The following ARL6IP6 variants were observed in gnomAD, a reference collection of about 807,000 sequenced individuals.
ARL6IP6 encodes ADP-ribosylation factor-like protein 6-interacting protein 6.
ARL6IP6 carries 22 observed loss-of-function variants against 21.5 expected under a neutral mutation model. That is an observed-to-expected ratio of 1.02 (90% CI 0.73 to 1.46). The LOEUF (loss-of-function observed/expected upper bound fraction) is 1.46. Ranked by LOEUF, ARL6IP6 falls within the 40% of genes most tolerant of loss-of-function variation. The pLI is 0.00. For synonymous variants in ARL6IP6, 164 were observed against 125.3 expected (o/e 1.31, Z -2.06); for missense variants, 388 against 299.8 (o/e 1.29, Z -2.17).
intron 3 of ARL6IP6, among the ~76,000 whole-genome samples, chr2:152,739,978 C>T (rs571028254): frequency 6.6e-6 from 1 of 152,180 alleles, no homozygotes; most frequent in African/African-American, 2.4e-5. Context: ...GTAACCACCC[C>T]CATGATTCAA....
chr2:152,742,673 G>A (rs1219102599), intron 3 of ARL6IP6, among the ~76,000 whole-genome samples: 1 of 151,534 alleles, frequency 6.6e-6, no homozygotes, highest in East Asian at 1.9e-4. Flanking sequence ...GTTAGTTATG[G>A]ATACCAGCTG....
At position 152,730,512 on chromosome 2, in the gene ARL6IP6, T is replaced by C. The variant is rs1270572529; in HGVS notation, c.455-4482T>C. Among the ~76,000 whole-genome samples, 6 of 152,172 alleles carry C rather than the reference T, an allele frequency of 3.9e-5. No individual in the cohort carries two copies. The East Asian group carries it at 1.2e-3, about 29-fold the overall frequency. ...ATTTGGCAGTATAGCAACCCCTAAG[T>C]TGTAGTTGTAGACTAAATCTTATAA... On this transcript the variant is annotated intron_variant, in intron 2 of 3. Coordinates refer to ENST00000326446, the MANE Select transcript of ARL6IP6 (RefSeq NM_152522.7).
intron 3 of ARL6IP6, among the ~76,000 whole-genome samples, chr2:152,752,695 T>C (rs937496776): frequency 2.0e-5 from 3 of 152,196 alleles, no homozygotes; most frequent in African/African-American, 7.2e-5. Flanking sequence ...AATTAAAGGC[T>C]GAGGTGAATA....
At chr2:152,757,703 A>T (rs116030993) in intron 3 of ARL6IP6, among the ~76,000 whole-genome samples, 221 of 152,334 alleles carry the variant, frequency 1.5e-3, no homozygotes, top group African/African-American at 5.1e-3. Context: ...TTCTTCAAAG[A>T]TTTAAGTCCT....
At chr2:152,741,012 T>C (rs148207054) in intron 3 of ARL6IP6, among the ~76,000 whole-genome samples, 14 of 152,298 alleles carry the variant, frequency 9.2e-5, no homozygotes, top group African/African-American at 3.4e-4. Flanking sequence ...AGTTGAAATC[T>C]TCAGACTTTT....
At chr2:152,753,377 G>A (rs910515415) in intron 3 of ARL6IP6, among the ~76,000 whole-genome samples, 5 of 151,978 alleles carry the variant, frequency 3.3e-5, no homozygotes, top group African/African-American at 7.3e-5. Context: ...ACATACATAC[G>A]CTCAGAAACA....
chr2:152,731,480 TC>T (rs1425796920), intron 2 of ARL6IP6, among the ~76,000 whole-genome samples: 1 of 152,212 alleles, frequency 6.6e-6, no homozygotes, highest in Non-Finnish European at 1.5e-5. Flanking sequence ...TCTCAACTCT[TC>T]CTGTATTCTT....
At chr2:152,750,746 G>A (rs191017011) in intron 3 of ARL6IP6, among the ~76,000 whole-genome samples, 1 of 152,130 alleles carries the variant, frequency 6.6e-6, no homozygotes, top group Non-Finnish European at 1.5e-5. Flanking sequence ...AATATTGTGT[G>A]CTCTGCTCGT....
intron 3 of ARL6IP6, among the ~76,000 whole-genome samples, chr2:152,751,678 A>G (rs755133282): frequency 6.6e-5 from 10 of 152,236 alleles, no homozygotes; most frequent in Admixed American, 1.3e-4. Context: ...CCCCAGACTC[A>G]TCCATGTTGC....
chr2:152,726,139 G>A (rs1418920408), intron 2 of ARL6IP6, among the ~76,000 whole-genome samples: 1 of 149,298 alleles, frequency 6.7e-6, no homozygotes, highest in South Asian at 2.2e-4. Flanking sequence ...TGTAATAAAA[G>A]TGTTGGGTTT....
chr2:152,727,065 C>T (rs1442692041), intron 2 of ARL6IP6, among the ~76,000 whole-genome samples: 1 of 152,156 alleles, frequency 6.6e-6, no homozygotes, highest in African/African-American at 2.4e-5. Context: ...CAGGCAGGTC[C>T]TTCAGGAGGT....
intron 3 of ARL6IP6, among the ~76,000 whole-genome samples, chr2:152,746,650 G>T (rs1246456161): frequency 1.3e-5 from 2 of 152,044 alleles, no homozygotes; most frequent in Non-Finnish European, 2.9e-5. Flanking sequence ...CTCATAGGCA[G>T]TAAGTGTAAG....
intron 2 of ARL6IP6, among the ~76,000 whole-genome samples, chr2:152,729,616 A>G (rs1443410667): frequency 6.6e-6 from 1 of 152,196 alleles, no homozygotes; most frequent in Non-Finnish European, 1.5e-5. Context: ...GGGTGCTGAT[A>G]GGAAAGGTCT....
chr2:152,719,709 A>G (rs1412089580), intron 1 of ARL6IP6, among the ~76,000 whole-genome samples: 1 of 149,948 alleles, frequency 6.7e-6, no homozygotes, highest in Non-Finnish European at 1.5e-5. Context: ...GTTAAGTTTA[A>G]ATTTCCATTC....
chr2:152,742,552 A>G (rs1700861759), intron 3 of ARL6IP6, among the ~76,000 whole-genome samples: 1 of 149,358 alleles, frequency 6.7e-6, no homozygotes, highest in Non-Finnish European at 1.5e-5. Context: ...CCTCAGTGAC[A>G]GAGCAAGATA....
rs868281091 is a variant in ARL6IP6, at chr2:152,720,362, A to G, written c.401-171A>G. 2.6e-5 allele frequency: 17 copies of G among 654,064 alleles called. No individual in the cohort carries two copies. In the Middle Eastern group the frequency reaches 1.2e-3, roughly 48 times the overall value. 40.5% of individuals were successfully genotyped at this position (654,064 alleles called of 1,614,324 possible). On this transcript the variant is annotated intron_variant, in intron 1 of 3. Coordinates refer to ENST00000326446, the MANE Select transcript of ARL6IP6 (RefSeq NM_152522.7). ...TGTTGGCTCCCTTAGTGGTCAACAC[A>G]TTAATTTGCTTGCTGAAGGTCACAT...
chr2:152,725,699 A>G (rs1700012919), intron 2 of ARL6IP6, among the ~76,000 whole-genome samples: 1 of 152,076 alleles, frequency 6.6e-6, no homozygotes, highest in East Asian at 1.9e-4. Flanking sequence ...TTTGAGATGT[A>G]TCTGAAATCT....
At chr2:152,755,946 G>A (rs548819019) in intron 3 of ARL6IP6, among the ~76,000 whole-genome samples, 239 of 152,100 alleles carry the variant, frequency 1.6e-3, no homozygotes, top group Non-Finnish European at 2.7e-3. Context: ...TTGACTTTTT[G>A]TCTTTTTATT....
chr2:152,746,197 T>A (rs1221025052), intron 3 of ARL6IP6, among the ~76,000 whole-genome samples: 2 of 151,958 alleles, frequency 1.3e-5, no homozygotes, highest in African/African-American at 2.4e-5. Flanking sequence ...TGGCTAATTT[T>A]TGTATTTTTT....
Sources: allele counts gnomAD v4.1 joint callset (sites outside exome capture counted in the v4.1 genomes callset), GRCh38; gene constraint gnomAD v4.1.1; transcripts MANE v1.5; gene names NCBI Gene and HGNC (gene_info 2026-07-23, HGNC 2026-07-21).